Variants in CDH17 observed in about 807,000 individuals in gnomAD.
CDH17 encodes the protein cadherin 17.
Under a neutral mutation model 86.3 loss-of-function variants are expected in CDH17, and 67 were observed. The ratio of observed to expected loss-of-function variants is 0.78; its 90% CI spans 0.64 to 0.95. The LOEUF is 0.95. CDH17 is among the 40% of genes least tolerant of loss of function. CDH17 has a pLI of 0.00. For missense variants in CDH17, 993 were observed against 1,017.6 expected (o/e 0.98, Z 0.33); for synonymous variants, 367 against 366.4 (o/e 1.00, Z -0.02).
Position 94,152,053 on chromosome 8 carries a change from C to G in CDH17, c.1611G>C (p.Glu537Asp). ...TGTACTTCACACCAAACACTAGAGGCTCAGGATTTTCTGCTTTGAACACAA... is the reference window on the plus strand; with the variant it reads ...TGTACTTCACACCAAACACTAGAGGGTCAGGATTTTCTGCTTTGAACACAA... The part of the protein sequence containing the change: ...SNIVFKAENP[E>D]PLVFGVKYNA... Residue 537 changes from glutamate to aspartate, a missense_variant, in exon 13 of 18, where the codon GAG becomes GAC. Coordinates refer to ENST00000027335, the MANE Select transcript of CDH17 (RefSeq NM_004063.4). The G allele has an allele frequency of 6.2e-7, 1 of 1,614,176 alleles. No homozygotes were observed.
intron 5 of CDH17, among the ~76,000 whole-genome samples, 155 bp from the exon 6 acceptor site, chr8:94,174,415 C>T (rs1455176865): frequency 1.3e-5 from 2 of 152,256 alleles, no homozygotes; most frequent in Non-Finnish European, 2.9e-5. Flanking sequence ...ATCCCACTCC[C>T]CCCTTCCCTA....
At chr8:94,149,066 A>C (rs1301794214) in intron 13 of CDH17, among the ~76,000 whole-genome samples, 192 bp from the exon 14 acceptor site, 1 of 152,100 alleles carries the variant, frequency 6.6e-6, no homozygotes, top group African/African-American at 2.4e-5. Flanking sequence ...AGGATCTATT[A>C]TCTCATATTA....
intron 1 of CDH17, among the ~76,000 whole-genome samples, chr8:94,197,829 T>TAA (rs34799637): frequency 8.2e-6 from 1 of 121,384 alleles, no homozygotes; most frequent in Admixed American, 8.8e-5. Context: ...AGACTCTGTC[T>TAA]AAAAAAAAAA....
chr8:94,149,107 C>T (rs1296962437), intron 13 of CDH17, among the ~76,000 whole-genome samples: 2 of 152,100 alleles, frequency 1.3e-5, no homozygotes, highest in Non-Finnish European at 2.9e-5. Flanking sequence ...CATCTGTCTT[C>T]AAAAGGATTT....
intron 3 of CDH17, among the ~76,000 whole-genome samples, chr8:94,187,016 T>C (rs1563584529): frequency 6.6e-6 from 1 of 152,230 alleles, no homozygotes; most frequent in Non-Finnish European, 1.5e-5. Flanking sequence ...TTCCTGACTG[T>C]GAGCACCTGC....
At chr8:94,151,816 A>G in intron 13 of CDH17, 52 bp downstream of exon 13, 1 of 1,609,298 alleles carries the variant, frequency 6.2e-7, no homozygotes, top group Non-Finnish European at 8.5e-7. Flanking sequence ...CCTCCTCCCC[A>G]TTGGCTTTGG....
chr8:94,152,282 G>A (rs905272522), intron 12 of CDH17, among the ~76,000 whole-genome samples, 170 bp from the exon 13 acceptor site: 8 of 152,172 alleles, frequency 5.3e-5, no homozygotes, highest in Non-Finnish European at 7.3e-5. Context: ...ATGAAAATCC[G>A]TTAAAAATAG....
At chr8:94,143,690 C>T (rs1027648953) in intron 15 of CDH17, among the ~76,000 whole-genome samples, 1 of 152,184 alleles carries the variant, frequency 6.6e-6, no homozygotes, top group Non-Finnish European at 1.5e-5. Flanking sequence ...TCACTTTGCA[C>T]TTTGTTATGG....
intron 1 of CDH17, among the ~76,000 whole-genome samples, chr8:94,200,812 C>T (rs1813897144): frequency 6.6e-6 from 1 of 152,046 alleles, no homozygotes; most frequent in African/African-American, 2.4e-5. Context: ...ACGACAAAGG[C>T]AGCAAACATT....
At chr8:94,159,613 T>C (rs922631665) in intron 12 of CDH17, among the ~76,000 whole-genome samples, 1 of 152,110 alleles carries the variant, frequency 6.6e-6, no homozygotes, top group Non-Finnish European at 1.5e-5. Flanking sequence ...GAACACCAAG[T>C]TCGATTTGAA....
At chr8:94,134,210 A>G (rs4644203) in intron 15 of CDH17, among the ~76,000 whole-genome samples, 52,841 of 152,102 alleles carry the variant, frequency 0.35, 11,091 homozygotes, top group Non-Finnish European at 0.47. Flanking sequence ...CTATTGATTG[A>G]AATAGTTTCA....
At chr8:94,139,777 C>T (rs913524034) in intron 15 of CDH17, among the ~76,000 whole-genome samples, 1 of 152,018 alleles carries the variant, frequency 6.6e-6, no homozygotes, top group African/African-American at 2.4e-5. Context: ...ATGGTGTGCA[C>T]CTGTAATCCC....
At chr8:94,168,021 T>C (rs997051027) in intron 9 of CDH17, among the ~76,000 whole-genome samples, 1 of 144,172 alleles carries the variant, frequency 6.9e-6, no homozygotes, top group Non-Finnish European at 1.5e-5. Flanking sequence ...GATTCAAGAA[T>C]AAATGTTAGT....
intron 3 of CDH17, among the ~76,000 whole-genome samples, chr8:94,188,860 C>T (rs965370265): frequency 6.6e-6 from 1 of 152,092 alleles, no homozygotes; most frequent in African/African-American, 2.4e-5. Flanking sequence ...CAGACAGCCT[C>T]GAGGGTGGAT....
At position 94,160,074 on chromosome 8, in the gene CDH17, C is replaced by A; in HGVS notation, c.1448G>T (p.Gly483Val). ...QATDADEPFTGSSKILYHIIK... is the reference protein window; with the variant it reads ...QATDADEPFTVSSKILYHIIK... ...GATATGATACAGAATTTTAGAACTC[C>A]CAGTAAATGGCTCATCAGCATCAGT... The change falls in exon 12 of 18, where the codon GGG becomes GTG. Residue 483 changes from glycine to valine, a missense_variant. Physicochemically the swap from Gly to Val is moderately radical, Grantham distance 109 (BLOSUM62 -3). Coordinates refer to ENST00000027335, the MANE Select transcript of CDH17 (RefSeq NM_004063.4). 6.2e-7 allele frequency: 1 copy of A among 1,613,844 alleles called. No homozygotes were observed. Among genetic ancestry groups the A allele is most frequent in the Non-Finnish European group, 8.5e-7 (1 of 1,179,862 alleles).
chr8:94,171,014 A>C, intron 7 of CDH17, 29 bp from the exon 8 acceptor site: 4 of 1,608,218 alleles, frequency 2.5e-6, no homozygotes, highest in Non-Finnish European at 3.4e-6. Flanking sequence ...GTTGTGAGGA[A>C]AGCTGTATTT....
intron 15 of CDH17, among the ~76,000 whole-genome samples, chr8:94,132,957 G>T (rs1563562981): frequency 6.6e-6 from 1 of 152,142 alleles, no homozygotes; most frequent in Non-Finnish European, 1.5e-5. Context: ...TCTCCGGTTT[G>T]TCAAAGATCA....
chr8:94,168,143 T>TACATATATATATATATATATATAC, intron 9 of CDH17, among the ~76,000 whole-genome samples: 1 of 101,570 alleles, frequency 9.8e-6, no homozygotes, highest in African/African-American at 5.8e-5. Flanking sequence ...TATATATATA[T>TACATATATATATATATATATATAC]ATATATATAT....
At chr8:94,145,281 T>TA (rs1714014701) in intron 15 of CDH17, among the ~76,000 whole-genome samples, 1 of 152,188 alleles carries the variant, frequency 6.6e-6, no homozygotes, top group African/African-American at 2.4e-5. Flanking sequence ...TTCAATGGAA[T>TA]ACTACCCCTC....
Sources: allele counts gnomAD v4.1 joint callset (sites outside exome capture counted in the v4.1 genomes callset), GRCh38; gene constraint gnomAD v4.1.1; transcripts MANE v1.5; gene names NCBI Gene and HGNC (gene_info 2026-07-23, HGNC 2026-07-21).